DPYSL4: variants seen among roughly 807,000 people sequenced by gnomAD.
The protein encoded by DPYSL4 is dihydropyrimidinase like 4.
DPYSL4 carries 43 observed loss-of-function variants against 63.4 expected under a neutral mutation model. The ratio of observed to expected loss-of-function variants is 0.68; its 90% confidence interval spans 0.53 to 0.88. The LOEUF (loss-of-function observed/expected upper bound fraction) is 0.88, where lower values mean the gene tolerates loss of function less well. Among genes scored for constraint, DPYSL4 ranks in the 40% least tolerant of loss-of-function variants. The pLI is 0.00. For missense variants in DPYSL4, 733 were observed against 819.5 expected, an observed-to-expected ratio of 0.89 and a Z score of 1.29; for synonymous variants, 353 against 331.7, an observed-to-expected ratio of 1.06 and a Z score of -0.70.
intron 3 of DPYSL4, among the ~76,000 whole-genome samples, chr10:132,194,296 T>A (rs2061913283): frequency 6.6e-6 from 1 of 152,236 alleles, no homozygotes; most frequent in African/African-American, 2.4e-5. Context: ...GAGAGGCCAG[T>A]GAGCAGTGTT....
Position 132,186,994 on chromosome 10 carries a change from T to TCCGGCCCCCCCCCCCCCCCCCCCCCC in DPYSL4, c.-68_-67insGGCCCCCCCCCCCCCCCCCCCCCCCC, listed in dbSNP as rs1304489463. 2.7e-5 allele frequency: 6 copies of TCCGGCCCCCCCCCCCCCCCCCCCCCC among 218,986 alleles called. No homozygotes were observed. The highest frequency in any genetic ancestry group is 2.2e-4 in the South Asian group (3 of 13,470). The allele number at this position is 218,986 out of a possible 1,614,324, so 13.6% of individuals were successfully genotyped here. On this transcript the variant is annotated 5_prime_UTR_variant, in exon 1 of 14. Transcript: ENST00000338492. ...CCACGCACGCGTCCCGGCTCACGCGTCCCCCCGCCCGCCCGCCCGCCCGCC... is the reference window on the plus strand; with the variant it reads ...CCACGCACGCGTCCCGGCTCACGCGTCCGGCCCCCCCCCCCCCCCCCCCCCCCCCCCCGCCCGCCCGCCCGCCCGCC...
chr10:132,187,134 C>A, intron 1 of DPYSL4, 32 bp downstream of exon 1: 1 of 1,509,112 alleles, frequency 6.6e-7, no homozygotes, highest in Non-Finnish European at 8.9e-7. Flanking sequence ...CCGGCGCCCC[C>A]TGCCCGCCGC....
chr10:132,192,871 G>T (rs992435314), intron 3 of DPYSL4, 29 bp downstream of exon 3: 4 of 1,563,248 alleles, frequency 2.6e-6, no homozygotes, highest in South Asian at 1.2e-5. Flanking sequence ...TCCTCTACAG[G>T]GGGCAGCCAG....
At position 132,203,772 on chromosome 10, in the gene DPYSL4, T is replaced by G; in HGVS notation, c.1472T>G (p.Ile491Ser). ...CCACCCCCCCGGCAGCTGGCGGAGA[T>G]CCACGGTGTGCCCCGTGGACTGTAT... ...RIKARNRLAE[I>S]HGVPRGLYDG... Residue 491 changes from isoleucine to serine, a missense_variant, in exon 13 of 14, where the codon ATC (isoleucine) becomes AGC (serine). Transcript: ENST00000338492. The G allele has an allele frequency of 6.2e-7, 1 of 1,604,296 alleles. No homozygotes were observed. The highest frequency in any genetic ancestry group is 8.5e-7 in the Non-Finnish European group (1 of 1,173,588).
chr10:132,199,780 G>A (rs2061988563), intron 8 of DPYSL4, among the ~76,000 whole-genome samples: 2 of 152,048 alleles, frequency 1.3e-5, no homozygotes, highest in Non-Finnish European at 1.5e-5. Flanking sequence ...CTGGGAAAAG[G>A]ACTCTGAGGC....
At position 132,191,279 on chromosome 10, in the gene DPYSL4, G is replaced by A. The variant is rs567481566; in HGVS notation, c.128+444G>A. Among the ~76,000 whole-genome samples, 3 of 134,172 alleles carry A rather than the reference G, an allele frequency of 2.2e-5. No homozygotes were observed. In the South Asian group the frequency reaches 7.8e-4, roughly 35 times the overall value. 88.0% of individuals were successfully genotyped at this position (134,172 alleles called of 152,430 possible). On this transcript the variant is annotated intron_variant, in intron 2 of 13. Coordinates refer to ENST00000338492, the MANE Select transcript of DPYSL4 (RefSeq NM_006426.3). ...CTCGTGTGTACACGCTGGCCACGTGGTATCCAGGCAGTTGAAAGTATGTTC... is the reference window on the plus strand; with the variant it reads ...CTCGTGTGTACACGCTGGCCACGTGATATCCAGGCAGTTGAAAGTATGTTC...
intron 10 of DPYSL4, among the ~76,000 whole-genome samples, chr10:132,201,644 G>A (rs758004589): frequency 6.6e-6 from 1 of 152,240 alleles, no homozygotes; most frequent in Non-Finnish European, 1.5e-5. Context: ...TTGCCATGGC[G>A]AGGGCCGTGG....
At chr10:132,193,613 G>A (rs542438128) in intron 3 of DPYSL4, among the ~76,000 whole-genome samples, 1 of 152,386 alleles carries the variant, frequency 6.6e-6, no homozygotes, top group East Asian at 1.9e-4. Context: ...AGACATCGCT[G>A]CTGTGGTTGA....
rs1304489463 is a variant in DPYSL4, at chr10:132,186,994, T to TCCGGCCCC, written c.-68_-67insGGCCCCCC. Reference sequence around the variant, plus strand: ...CCACGCACGCGTCCCGGCTCACGCGTCCCCCCGCCCGCCCGCCCGCCCGCC... The same window carrying TCCGGCCCC: ...CCACGCACGCGTCCCGGCTCACGCGTCCGGCCCCCCCCCCGCCCGCCCGCCCGCCCGCC... On this transcript the variant is annotated 5_prime_UTR_variant, in exon 1 of 14. Transcript: ENST00000338492. 9.5e-4 allele frequency: 209 copies of TCCGGCCCC among 218,964 alleles called. 2 individuals carry two copies. Among genetic ancestry groups the TCCGGCCCC allele is most frequent in the South Asian group, 4.0e-3 (54 of 13,466 alleles). 13.6% of individuals were successfully genotyped at this position (218,964 alleles called of 1,614,324 possible). A position where few individuals can be genotyped will look rare whatever the true frequency, so the allele number is the denominator to read the frequency against.
At position 132,205,069 on chromosome 10, in the gene DPYSL4, A is replaced by C. The variant is rs1280268353; in HGVS notation, c.*139A>C. 5.1e-6 allele frequency: 3 copies of C among 589,456 alleles called. No individual in the cohort carries two copies. The highest frequency in any genetic ancestry group is 1.9e-5 in the African/African-American group (1 of 52,364). 36.5% of individuals were successfully genotyped at this position (589,456 alleles called of 1,614,324 possible). A position where few individuals can be genotyped will look rare whatever the true frequency, so the allele number is the denominator to read the frequency against. ...TGGCGGTCTTGCCTTCCCCCTCCCC[A>C]CAGGCTCTCCTTGTGGGGTCCCAGG... is the stretch of plus-strand genomic sequence containing the variant. On this transcript the variant is annotated 3_prime_UTR_variant, in exon 14 of 14. Coordinates refer to ENST00000338492, the MANE Select transcript of DPYSL4 (RefSeq NM_006426.3).
chr10:132,200,697 C>G, intron 9 of DPYSL4, 145 bp from the exon 10 acceptor site: 5 of 1,365,588 alleles, frequency 3.7e-6, no homozygotes, highest in Non-Finnish European at 4.9e-6. Flanking sequence ...CCCCGCTCCC[C>G]TGCACAGAGG....
intron 1 of DPYSL4, among the ~76,000 whole-genome samples, chr10:132,189,269 G>A (rs753741321): frequency 1.5e-4 from 23 of 152,344 alleles, no homozygotes; most frequent in Non-Finnish European, 2.9e-4. Context: ...AAGCGTTGCC[G>A]AGTCCAGCCC....
intron 5 of DPYSL4, 38 bp from the exon 6 acceptor site, chr10:132,196,977 TGCAGGC>T: frequency 6.2e-7 from 1 of 1,613,176 alleles, no homozygotes; most frequent in African/African-American, 1.3e-5. Flanking sequence ...CCGCTGCTGG[TGCAGGC>T]GCAGCCCCAC....
At chr10:132,187,218 T>G in intron 1 of DPYSL4, 116 bp downstream of exon 1, 1 of 699,176 alleles carries the variant, frequency 1.4e-6, no homozygotes, top group Non-Finnish European at 2.3e-6. Context: ...CCTTTGCGTC[T>G]GGTCCCTGTC....
At position 132,202,626 on chromosome 10, in the gene DPYSL4, C is replaced by T. The variant is rs1055618530; in HGVS notation, c.1282-20C>T. On this transcript the variant is annotated intron_variant, in intron 11 of 13. Transcript: ENST00000338492. ...GGGCCCCAGCGTGGAGGCACTGGAC[C>T]CTCGGGCCTCTCTCCCCAGAACGTG... The T allele has an allele frequency of 2.2e-5, 36 of 1,610,382 alleles. No homozygotes were observed. The highest frequency in any genetic ancestry group is 3.1e-5 in the Non-Finnish European group (36 of 1,179,402).
rs557199623 is a variant in DPYSL4 at position 132,190,711 on chromosome 10, G to C, written c.40-36G>C. The C allele has an allele frequency of 2.6e-5, 41 of 1,594,918 alleles. 1 individual carries two copies. In the South Asian group the frequency reaches 4.1e-4, roughly 16 times the overall value. ...ACCAAGAGTGTTACTGAGTAACTCA[G>C]TTTGGAGAAAAATTACCCTTTGTTG... On this transcript the variant is annotated intron_variant, in intron 1 of 13. Transcript: ENST00000338492.
chr10:132,187,395 T>G (rs1342687016), intron 1 of DPYSL4, among the ~76,000 whole-genome samples: 2 of 149,574 alleles, frequency 1.3e-5, no homozygotes, highest in African/African-American at 4.9e-5. Context: ...TGCCCGGCCT[T>G]GCCGGCTTCC....
At chr10:132,197,426 G>A (rs2061960402) in intron 6 of DPYSL4, among the ~76,000 whole-genome samples, 1 of 152,246 alleles carries the variant, frequency 6.6e-6, no homozygotes, top group African/African-American at 2.4e-5. Flanking sequence ...CCCGCTGGGG[G>A]TTGGGTTACC....
chr10:132,195,373 C>T (rs2061929932), intron 4 of DPYSL4, among the ~76,000 whole-genome samples: 1 of 152,208 alleles, frequency 6.6e-6, no homozygotes, highest in South Asian at 2.1e-4. Flanking sequence ...TCTTTGTTGT[C>T]ACCAATGCTA....
Sources: allele counts gnomAD v4.1 joint callset (sites outside exome capture counted in the v4.1 genomes callset), GRCh38; gene constraint gnomAD v4.1.1; transcripts MANE v1.5; gene names NCBI Gene and HGNC (gene_info 2026-07-23, HGNC 2026-07-21).